The following ITFG1 variants were observed in gnomAD, a reference collection of about 807,000 sequenced individuals.
ITFG1 encodes T-cell immunomodulatory protein.
ITFG1 carries 34 observed loss-of-function variants against 81.8 expected under a neutral mutation model. That is an observed-to-expected ratio of 0.42 (90% confidence interval 0.32 to 0.55). ITFG1 has a LOEUF of 0.55. Among genes scored for constraint, ITFG1 ranks in the 20% least tolerant of loss-of-function variants. The pLI is 0.17. For synonymous variants in ITFG1, 285 were observed against 270.6 expected, an observed-to-expected ratio of 1.05 and a Z score of -0.52; for missense variants, 672 against 755.4, an observed-to-expected ratio of 0.89 and a Z score of 1.29.
intron 12 of ITFG1, 37 bp downstream of exon 12, chr16:47,258,595 G>C: frequency 1.0e-6 from 1 of 953,894 alleles, no homozygotes. Context: ...GAGGGGAAGA[G>C]AAAGAGAACA....
chr16:47,295,660 T>G, intron 10 of ITFG1, among the ~76,000 whole-genome samples: 1 of 152,222 alleles, frequency 6.6e-6, no homozygotes, highest in South Asian at 2.1e-4. Flanking sequence ...TAATGTCTTC[T>G]TTTTCATTTC....
chr16:47,289,078 T>C (rs1452696732), intron 10 of ITFG1, among the ~76,000 whole-genome samples: 1 of 152,198 alleles, frequency 6.6e-6, no homozygotes, highest in Non-Finnish European at 1.5e-5. Context: ...CTGAATTTTA[T>C]CACATCCTCT....
At chr16:47,352,332 A>C (rs1280741785) in intron 8 of ITFG1, among the ~76,000 whole-genome samples, 1 of 152,244 alleles carries the variant, frequency 6.6e-6, no homozygotes, top group Non-Finnish European at 1.5e-5. Flanking sequence ...TAATATCCCA[A>C]ATCTACAATG....
chr16:47,339,343 A>C (rs1967750349), intron 8 of ITFG1, among the ~76,000 whole-genome samples: 1 of 152,198 alleles, frequency 6.6e-6, no homozygotes, highest in African/African-American at 2.4e-5. Context: ...TGGTAGCTCT[A>C]TATTTAGTTT....
intron 14 of ITFG1, chr16:47,218,277 T>A (rs1367603498): frequency 6.6e-6 from 1 of 152,216 alleles, no homozygotes; most frequent in Non-Finnish European, 1.5e-5. Context: ...ATTATCACAG[T>A]TATATTTACT....
At chr16:47,239,450 C>T (rs932309067) in intron 12 of ITFG1, among the ~76,000 whole-genome samples, 1 of 152,120 alleles carries the variant, frequency 6.6e-6, no homozygotes, top group South Asian at 2.1e-4. Flanking sequence ...CCGCCTGCCT[C>T]GGCCTCCCAA....
intron 8 of ITFG1, among the ~76,000 whole-genome samples, chr16:47,364,846 A>T (rs1968154325): frequency 6.6e-6 from 1 of 152,182 alleles, no homozygotes; most frequent in Non-Finnish European, 1.5e-5. Flanking sequence ...AAAACATGTA[A>T]GTCCAATGAA....
chr16:47,158,872 C>A lies in ITFG1; in HGVS notation c.1779+1G>T. The stretch of plus-strand genomic sequence containing the variant: ...TTAATGCTTCCTTTAAATGAACAAA[C>A]CTTTTCCTGCCAATGTAAAATGCCA... On this transcript the variant is annotated splice_donor_variant, in intron 17 of 17. Coordinates refer to ENST00000320640, the MANE Select transcript of ITFG1 (RefSeq NM_030790.5). LOFTEE classifies it high-confidence loss of function. 1 of 1,516,628 alleles carries A rather than the reference C, an allele frequency of 6.6e-7. No individual in the cohort carries two copies. The highest frequency in any genetic ancestry group is 9.1e-7 in the Non-Finnish European group (1 of 1,098,556). 93.9% of individuals were successfully genotyped at this position (1,516,628 alleles called of 1,614,324 possible).
chr16:47,438,575 G>T (rs948582797), intron 5 of ITFG1, among the ~76,000 whole-genome samples: 1 of 152,154 alleles, frequency 6.6e-6, no homozygotes, highest in East Asian at 1.9e-4. Flanking sequence ...AGGCAAACAG[G>T]GTCTGGAGTG....
At chr16:47,310,909 T>C (rs548593712) in intron 10 of ITFG1, among the ~76,000 whole-genome samples, 26 of 152,330 alleles carry the variant, frequency 1.7e-4, no homozygotes, top group Admixed American at 5.2e-4. Flanking sequence ...TAACCACCAG[T>C]GTCTTCGGTC....
At chr16:47,371,631 G>T (rs1198812399) in intron 7 of ITFG1, among the ~76,000 whole-genome samples, 1 of 152,146 alleles carries the variant, frequency 6.6e-6, no homozygotes, top group Non-Finnish European at 1.5e-5. Context: ...ATGTAATGAT[G>T]ACTGCATGCC....
chr16:47,436,219 A>C (rs2151612346), intron 5 of ITFG1, among the ~76,000 whole-genome samples: 1 of 152,282 alleles, frequency 6.6e-6, no homozygotes, highest in South Asian at 2.1e-4. Context: ...CATATAAAAT[A>C]AAGTTTGTAT....
intron 14 of ITFG1, among the ~76,000 whole-genome samples, chr16:47,193,538 TA>T (rs1256271963): frequency 6.6e-6 from 1 of 151,818 alleles, no homozygotes; most frequent in Non-Finnish European, 1.5e-5. Flanking sequence ...CTACAAAAAA[TA>T]AAAAATAAGC....
chr16:47,225,543 A>G (rs1439097711), intron 13 of ITFG1, among the ~76,000 whole-genome samples: 2 of 152,240 alleles, frequency 1.3e-5, no homozygotes, highest in African/African-American at 2.4e-5. Flanking sequence ...TGTTGAAAGC[A>G]GCAAGAGACA....
At chr16:47,358,890 T>C (rs1320284876) in intron 8 of ITFG1, among the ~76,000 whole-genome samples, 1 of 152,070 alleles carries the variant, frequency 6.6e-6, no homozygotes, top group Non-Finnish European at 1.5e-5. Flanking sequence ...ATGAGTAGAA[T>C]GAATACCATG....
intron 14 of ITFG1, among the ~76,000 whole-genome samples, chr16:47,187,079 G>A (rs1393224765): frequency 1.3e-5 from 2 of 152,030 alleles, no homozygotes; most frequent in African/African-American, 4.8e-5. Context: ...TCTTCAAGGA[G>A]AACTACAAAC....
intron 8 of ITFG1, among the ~76,000 whole-genome samples, chr16:47,358,231 T>A (rs1359518394): frequency 2.6e-5 from 4 of 152,294 alleles, no homozygotes; most frequent in Admixed American, 2.6e-4. Context: ...TTTGATGGGA[T>A]AGGAGCAGAG....
intron 5 of ITFG1, among the ~76,000 whole-genome samples, chr16:47,432,115 A>G (rs1023508659): frequency 6.6e-6 from 1 of 152,194 alleles, no homozygotes; most frequent in African/African-American, 2.4e-5. Flanking sequence ...CCTAACCAGG[A>G]CCTGGCTCCC....
At chr16:47,350,815 A>G (rs1596919848) in intron 8 of ITFG1, among the ~76,000 whole-genome samples, 1 of 152,184 alleles carries the variant, frequency 6.6e-6, no homozygotes, top group Non-Finnish European at 1.5e-5. Context: ...AAAATCCTCA[A>G]TAAAATACTG....
Sources: gnomAD v4.1 joint callset for allele counts (sites outside exome capture counted in the v4.1 genomes callset) on GRCh38, gnomAD v4.1.1 for gene constraint, MANE v1.5 for transcripts, NCBI Gene and HGNC (gene_info 2026-07-23, HGNC 2026-07-21) for gene names.